DAG1: variants seen among roughly 807,000 people sequenced by gnomAD.
DAG1 encodes the protein dystroglycan 1 (dystrophin-associated glycoprotein 1).
A neutral mutation model predicts 46.1 loss-of-function variants in DAG1; 8 were observed. The observed-to-expected ratio is 0.17, with a 90% CI of 0.10 to 0.31. The LOEUF (loss-of-function observed/expected upper bound fraction) is 0.31, where lower values mean the gene tolerates loss of function less well. Ranked by LOEUF, DAG1 falls within the 10% of genes least tolerant of loss-of-function variation. The probability of loss-of-function intolerance (pLI) is 1.00; values close to 1 mark genes in which losing one functional copy is unlikely to be tolerated. For missense variants in DAG1, 1,003 were observed against 1,189.9 expected (o/e 0.84, Z 2.31); for synonymous variants, 495 against 481.8 (o/e 1.03, Z -0.36).
chr3:49,496,852 C>T (rs570159247), intron 1 of DAG1, among the ~76,000 whole-genome samples: 247 of 152,006 alleles, frequency 1.6e-3, no homozygotes, highest in Non-Finnish European at 2.3e-3. Context: ...GTCTCCATCT[C>T]TTGATCTCGT....
chr3:49,478,531 T>TTG (rs1553642836), intron 1 of DAG1, among the ~76,000 whole-genome samples: 1 of 123,724 alleles, frequency 8.1e-6, no homozygotes, highest in African/African-American at 2.9e-5. Context: ...CCAAGAGTTT[T>TTG]TTTTTTTTTT....
At chr3:49,492,178 GCCT>G (rs1457928848) in intron 1 of DAG1, among the ~76,000 whole-genome samples, 1 of 152,032 alleles carries the variant, frequency 6.6e-6, no homozygotes, top group Non-Finnish European at 1.5e-5. Flanking sequence ...GCCTGCCTTG[GCCT>G]CCTAAAGTGC....
intron 1 of DAG1, among the ~76,000 whole-genome samples, chr3:49,494,504 A>G (rs1386199904): frequency 1.3e-5 from 2 of 152,200 alleles, no homozygotes; most frequent in Non-Finnish European, 2.9e-5. Context: ...AGATTAGCAT[A>G]TTAATTTTGA....
In DAG1 at chr3:49,533,178, TCCTC is replaced by T; in HGVS notation, c.2671_2674del (p.Pro891MetfsTer42). On this transcript the variant is annotated frameshift_variant, in exon 3 of 3. Transcript: ENST00000308775. LOFTEE classifies it high-confidence loss of function. ...AGAACATGACCCCATACCGGTCACC[TCCTC>T]CCTATGTCCCACCTTAACCCGCAAG... The T allele has an allele frequency of 6.2e-7, 1 of 1,613,428 alleles. No individual in the cohort carries two copies. Among genetic ancestry groups the T allele is most frequent in the Non-Finnish European group, 8.5e-7 (1 of 1,179,978 alleles).
chr3:49,528,275 A>ATTTGTTTTTTTTTTTTTT (rs2051239508), intron 2 of DAG1, among the ~76,000 whole-genome samples: 1 of 66,660 alleles, frequency 1.5e-5, no homozygotes, highest in African/African-American at 6.9e-5. Context: ...AAATAGTGTG[A>ATTTGTTTTTTTTTTTTTT]TTTTTTTTTT....
chr3:49,513,228 A>G (rs965419670), intron 2 of DAG1, among the ~76,000 whole-genome samples: 1 of 151,994 alleles, frequency 6.6e-6, no homozygotes, highest in East Asian at 1.9e-4. Flanking sequence ...GTTGACAGGG[A>G]GCTTAGCTGG....
rs1050565639 is a variant in DAG1, at chr3:49,510,406, C to A, written c.-116-13C>A. 1 of 920,788 alleles carries A rather than the reference C, an allele frequency of 1.1e-6. No individual in the cohort carries two copies. Among genetic ancestry groups the A allele is most frequent in the African/African-American group, 1.6e-5 (1 of 61,162 alleles). The allele number at this position is 920,788 out of a possible 1,614,324, so 57.0% of individuals were successfully genotyped here. A position where few individuals can be genotyped will look rare whatever the true frequency, so the allele number is the denominator to read the frequency against. ...ATTGCTCAAGTCTAAACCTGCTTTT[C>A]TTTTTTTTTCAGGCTCTGTGTGCTC... On this transcript the variant is annotated splice_polypyrimidine_tract_variant and intron_variant, in intron 1 of 2. Transcript: ENST00000308775.
chr3:49,475,267 G>A (rs945511942), intron 1 of DAG1, among the ~76,000 whole-genome samples: 2 of 151,270 alleles, frequency 1.3e-5, no homozygotes, highest in African/African-American at 2.4e-5. Flanking sequence ...AGCATGCCTG[G>A]CTAATTTTGT....
chr3:49,502,994 C>T (rs912781373), intron 1 of DAG1, among the ~76,000 whole-genome samples: 1 of 152,208 alleles, frequency 6.6e-6, no homozygotes, highest in African/African-American at 2.4e-5. Flanking sequence ...AATTGTCCTA[C>T]AGAGTTCCAT....
chr3:49,530,946 C>A lies in DAG1; in HGVS notation c.435C>A (p.Ile145=). The change falls in exon 3 of 3, where the codon ATC becomes ATA. Residue 145 remains isoleucine (I), a synonymous_variant. Coordinates refer to ENST00000308775, the MANE Select transcript of DAG1 (RefSeq NM_004393.6). The part of the protein sequence containing the change: ...ATRLGANGSH[I]PQTSSVFSIE... ...GGCTGGGGGCCAACGGGAGCCACAT[C>A]CCCCAGACCTCCAGTGTGTTCTCCA... The A allele has an allele frequency of 6.2e-7, 1 of 1,614,084 alleles. No individual in the cohort carries two copies. The highest frequency in any genetic ancestry group is 8.5e-7 in the Non-Finnish European group (1 of 1,180,002).
intron 1 of DAG1, among the ~76,000 whole-genome samples, chr3:49,478,749 T>C (rs1352391779): frequency 6.8e-6 from 1 of 146,350 alleles, no homozygotes; most frequent in Non-Finnish European, 1.5e-5. Context: ...GGTGACAAAG[T>C]GAGACCCTGG....
chr3:49,513,391 A>G (rs576897880), intron 2 of DAG1, among the ~76,000 whole-genome samples: 2 of 152,318 alleles, frequency 1.3e-5, no homozygotes, highest in South Asian at 4.1e-4. Context: ...GAACTTGCCC[A>G]ACAACACTTC....
intron 1 of DAG1, among the ~76,000 whole-genome samples, chr3:49,502,113 G>T (rs1055729580): frequency 4.6e-5 from 7 of 152,230 alleles, no homozygotes; most frequent in African/African-American, 1.7e-4. Context: ...TGAGGCTGCA[G>T]TGAGCTGTGA....
intron 1 of DAG1, among the ~76,000 whole-genome samples, chr3:49,487,574 CT>C (rs2050069012): frequency 6.6e-6 from 1 of 151,984 alleles, no homozygotes; most frequent in Non-Finnish European, 1.5e-5. Context: ...GCCCTGAGTT[CT>C]TCTGGGGTTG....
chr3:49,512,579 A>G (rs1427956988), intron 2 of DAG1, among the ~76,000 whole-genome samples: 1 of 151,234 alleles, frequency 6.6e-6, no homozygotes, highest in Non-Finnish European at 1.5e-5. Flanking sequence ...TTTAGTACTG[A>G]CGGGGTTTCA....
intron 2 of DAG1, among the ~76,000 whole-genome samples, chr3:49,520,891 T>G (rs1284216248): frequency 1.3e-5 from 2 of 152,174 alleles, no homozygotes; most frequent in East Asian, 3.9e-4. Context: ...GACATCATCT[T>G]GTGGGCCCTG....
intron 1 of DAG1, among the ~76,000 whole-genome samples, chr3:49,475,384 G>A (rs577897504): frequency 1.5e-4 from 22 of 150,140 alleles, no homozygotes; most frequent in African/African-American, 5.4e-4. Flanking sequence ...GATTACAGGC[G>A]TGAGCCACCT....
chr3:49,470,504 T>G (rs1238475545), intron 1 of DAG1, 71 bp downstream of exon 1: 1 of 151,892 alleles, frequency 6.6e-6, no homozygotes, highest in Non-Finnish European at 1.5e-5. Flanking sequence ...CGGCTGAGCC[T>G]TCCGCGGAAC....
Position 49,533,253 on chromosome 3 carries a change from G to A in DAG1, c.*54G>A. On this transcript the variant is annotated 3_prime_UTR_variant, in exon 3 of 3. Transcript: ENST00000308775. Reference sequence around the variant, plus strand: ...AGGGCAGGGGCCTGGAGACGACATGGTGTTGTCTGTGGAGACCGGTGGCCT... The same window carrying A: ...AGGGCAGGGGCCTGGAGACGACATGATGTTGTCTGTGGAGACCGGTGGCCT... The A allele has an allele frequency of 2.5e-6, 4 of 1,599,014 alleles. No individual in the cohort carries two copies. The highest frequency in any genetic ancestry group is 3.4e-6 in the Non-Finnish European group (4 of 1,178,574).
Sources: allele counts gnomAD v4.1 joint callset (sites outside exome capture counted in the v4.1 genomes callset), GRCh38; gene constraint gnomAD v4.1.1; transcripts MANE v1.5; gene names NCBI Gene and HGNC (gene_info 2026-07-23, HGNC 2026-07-21).